Variants in SEMA3A observed in about 807,000 individuals in gnomAD.
SEMA3A encodes the protein semaphorin-3A.
A neutral mutation model predicts 97.9 loss-of-function variants in SEMA3A; 29 were observed. That is an observed-to-expected ratio of 0.30 (90% CI 0.22 to 0.40). SEMA3A has a LOEUF of 0.40. Ranked by LOEUF, SEMA3A falls within the 10% of genes least tolerant of loss-of-function variation. The probability of loss-of-function intolerance (pLI) is 1.00; values close to 1 mark genes in which losing one functional copy is unlikely to be tolerated. For synonymous variants in SEMA3A, 321 were observed against 323.7 expected (o/e 0.99, Z 0.09); for missense variants, 763 against 951.3 (o/e 0.80, Z 2.60).
intron 3 of SEMA3A, among the ~76,000 whole-genome samples, chr7:84,298,847 C>G (rs1800928618): frequency 6.6e-6 from 1 of 152,094 alleles, no homozygotes; most frequent in South Asian, 2.1e-4. Context: ...CATCCTCAAC[C>G]TGGGTGGGCA....
intron 1 of SEMA3A, among the ~76,000 whole-genome samples, chr7:84,382,575 T>G (rs1418397949): frequency 1.3e-5 from 2 of 151,200 alleles, no homozygotes; most frequent in Admixed American, 6.6e-5. Flanking sequence ...TGTGTATGAA[T>G]TGGCCTGGCA....
At chr7:84,369,102 A>T (rs1487748605) in intron 2 of SEMA3A, among the ~76,000 whole-genome samples, 1 of 151,104 alleles carries the variant, frequency 6.6e-6, no homozygotes, top group Non-Finnish European at 1.5e-5. Flanking sequence ...AGTGGAAATC[A>T]AAAATATAGA....
In SEMA3A at chr7:83,961,563, C is replaced by A. The variant is rs2116247448; in HGVS notation, c.2124G>T (p.Gln708His). ...TGTTGAGATTGGGGTGGTTGATGAGCTGCATGAAGTCTCTGTACCAGACCT... is the reference window on the plus strand; with the variant it reads ...TGTTGAGATTGGGGTGGTTGATGAGATGCATGAAGTCTCTGTACCAGACCT... ...SQKVWYRDFM[Q>H]LINHPNLNTM... The change falls in exon 17 of 17, where the codon CAG (glutamine) becomes CAT (histidine). Residue 708 changes from glutamine (Q) to histidine (H), a missense_variant. Coordinates refer to ENST00000265362, the MANE Select transcript of SEMA3A (RefSeq NM_006080.3). 1 of 1,614,088 alleles carries A rather than the reference C, an allele frequency of 6.2e-7. No homozygotes were observed. Among genetic ancestry groups the A allele is most frequent in the Non-Finnish European group, 8.5e-7 (1 of 1,179,980 alleles).
intron 3 of SEMA3A, among the ~76,000 whole-genome samples, chr7:84,280,544 G>A (rs1455999839): frequency 6.6e-6 from 1 of 152,082 alleles, no homozygotes; most frequent in Non-Finnish European, 1.5e-5. Flanking sequence ...AGCACTTTCG[G>A]AGGTAGAGGT....
Position 83,957,420 on chromosome 7 carries a change from G to A in SEMA3A, c.*3951C>T, listed in dbSNP as rs2116228921. Reference sequence around the variant, plus strand: ...AACGTGTAGGAAGCTGGTTCTAAAAGGCAAAGTGTCTAGAGGCCCAGTTTT... The same window carrying A: ...AACGTGTAGGAAGCTGGTTCTAAAAAGCAAAGTGTCTAGAGGCCCAGTTTT... On this transcript the variant is annotated 3_prime_UTR_variant, in exon 17 of 17. Coordinates refer to ENST00000265362, the MANE Select transcript of SEMA3A (RefSeq NM_006080.3). 1 of 152,182 alleles carries A rather than the reference G, an allele frequency of 6.6e-6. No individual in the cohort carries two copies. Among genetic ancestry groups the A allele is most frequent in the South Asian group, 2.1e-4 (1 of 4,816 alleles). 9.4% of individuals were successfully genotyped at this position (152,182 alleles called of 1,614,324 possible). A position where few individuals can be genotyped will look rare whatever the true frequency, so the allele number is the denominator to read the frequency against.
intron 1 of SEMA3A, among the ~76,000 whole-genome samples, chr7:84,169,878 T>A (rs2116198906): frequency 6.6e-6 from 1 of 152,022 alleles, no homozygotes; most frequent in South Asian, 2.1e-4. Context: ...CAAGGTTGTT[T>A]AGCAGAAAGG....
At chr7:84,357,534 A>G (rs1315985958) in intron 2 of SEMA3A, among the ~76,000 whole-genome samples, 1 of 152,116 alleles carries the variant, frequency 6.6e-6, no homozygotes, top group African/African-American at 2.4e-5. Context: ...CCAGTCTATC[A>G]TTGTTGGACA....
At chr7:84,093,166 T>G (rs1025063319) in intron 4 of SEMA3A, among the ~76,000 whole-genome samples, 1 of 152,182 alleles carries the variant, frequency 6.6e-6, no homozygotes, top group Non-Finnish European at 1.5e-5. Context: ...ATTTGCACCA[T>G]GTAACTTTTT....
At chr7:84,311,030 G>C (rs1584227541) in intron 2 of SEMA3A, among the ~76,000 whole-genome samples, 1 of 150,706 alleles carries the variant, frequency 6.6e-6, no homozygotes, top group African/African-American at 2.4e-5. Context: ...CTAATGGCTT[G>C]AAGTTGTTAC....
chr7:84,435,145 T>C (rs1351629564), intron 1 of SEMA3A, among the ~76,000 whole-genome samples: 2 of 152,066 alleles, frequency 1.3e-5, no homozygotes, highest in African/African-American at 4.8e-5. Context: ...AATAAACAAC[T>C]TCAGTAAAGT....
intron 3 of SEMA3A, among the ~76,000 whole-genome samples, chr7:84,234,404 A>G (rs1799186663): frequency 6.6e-6 from 1 of 152,048 alleles, no homozygotes; most frequent in African/African-American, 2.4e-5. Context: ...ATCATTTATC[A>G]GTAACTTTTC....
chr7:84,041,161 A>C (rs1792121036), intron 6 of SEMA3A, among the ~76,000 whole-genome samples: 1 of 152,058 alleles, frequency 6.6e-6, no homozygotes, highest in African/African-American at 2.4e-5. Flanking sequence ...TTTTATTCCA[A>C]AGCTTTATTC....
At chr7:84,469,639 AT>A (rs1169838509) in intron 1 of SEMA3A, among the ~76,000 whole-genome samples, 1 of 152,144 alleles carries the variant, frequency 6.6e-6, no homozygotes, top group Admixed American at 6.5e-5. Context: ...CATTGTCCAC[AT>A]GTGCTTAATG....
intron 1 of SEMA3A, among the ~76,000 whole-genome samples, chr7:84,411,102 A>T (rs1804252014): frequency 6.6e-6 from 1 of 152,058 alleles, no homozygotes; most frequent in Non-Finnish European, 1.5e-5. Flanking sequence ...TTTATGAGAC[A>T]GAGGGAGAGA....
intron 1 of SEMA3A, among the ~76,000 whole-genome samples, chr7:84,472,446 G>A (rs192588511): frequency 1.4e-3 from 206 of 152,198 alleles, no homozygotes; most frequent in African/African-American, 4.6e-3. Flanking sequence ...TTAGTGCTTC[G>A]TGCTTCGTAT....
At chr7:84,040,313 T>G (rs1409448124) in intron 6 of SEMA3A, among the ~76,000 whole-genome samples, 1 of 150,852 alleles carries the variant, frequency 6.6e-6, no homozygotes, top group Non-Finnish European at 1.5e-5. Flanking sequence ...GGTAAAATCC[T>G]TTAATTCCCC....
intron 3 of SEMA3A, among the ~76,000 whole-genome samples, chr7:84,208,253 C>T (rs1374485326): frequency 6.6e-6 from 1 of 152,048 alleles, no homozygotes; most frequent in African/African-American, 2.4e-5. Context: ...GAGATCGAGA[C>T]CATCCTGGCT....
chr7:84,348,366 T>C (rs1802354842), intron 2 of SEMA3A, among the ~76,000 whole-genome samples: 1 of 152,210 alleles, frequency 6.6e-6, no homozygotes, highest in Admixed American at 6.5e-5. Context: ...ATGTAAACTC[T>C]CTTAGCATTA....
At chr7:84,262,306 C>A (rs925162048) in intron 3 of SEMA3A, among the ~76,000 whole-genome samples, 6 of 152,110 alleles carry the variant, frequency 3.9e-5, no homozygotes, top group African/African-American at 1.4e-4. Context: ...CCTCCACCTC[C>A]CAGGTTCAAG....
Sources: allele counts gnomAD v4.1 joint callset (sites outside exome capture counted in the v4.1 genomes callset), GRCh38; gene constraint gnomAD v4.1.1; transcripts MANE v1.5; gene names NCBI Gene and HGNC (gene_info 2026-07-23, HGNC 2026-07-21).